The following PASK variants were observed in gnomAD, a reference collection of about 807,000 sequenced individuals.
The protein encoded by PASK is PAS domain-containing serine/threonine-protein kinase.
In PASK, 110 loss-of-function variants were observed where a neutral mutation model predicts 121.0. The observed-to-expected ratio is 0.91, with a 90% confidence interval of 0.78 to 1.06. PASK has a LOEUF of 1.06. PASK is among the 50% of genes least tolerant of loss of function. The pLI is 0.00. For synonymous variants in PASK, 686 were observed against 717.8 expected, an observed-to-expected ratio of 0.96 and a Z score of 0.71; for missense variants, 1,643 against 1,702.3, an observed-to-expected ratio of 0.97 and a Z score of 0.61.
chr2:241,138,660 C>G lies in PASK; in HGVS notation c.735G>C (p.Gln245His). The G allele has an allele frequency of 6.2e-7, 1 of 1,614,046 alleles. No individual in the cohort carries two copies. Among genetic ancestry groups the G allele is most frequent in the Non-Finnish European group, 8.5e-7 (1 of 1,180,050 alleles). The change falls in exon 5 of 18, where the codon CAG becomes CAC. Residue 245 changes from glutamine (Q) to histidine (H), a missense_variant. By Grantham distance (24) the Gln-to-His change is conservative (BLOSUM62 0). Around this residue, in one of 3 missense-constraint regions of PASK, gnomAD observed 1,176 missense variants for 1,162.2 expected, o/e 1.01. Coordinates refer to ENST00000234040, the MANE Select transcript of PASK (RefSeq NM_015148.4). The stretch of plus-strand genomic sequence containing the variant: ...GGCAAAGTTGCACACTCACATCGCT[C>G]TGGAAAGCGACCCAGGTCGAGACCC... ...VERVSTWVAF[Q>H]SDGTVTSCDS...
intron 11 of PASK, 150 bp from the exon 12 acceptor site, chr2:241,123,049 G>C: frequency 1.4e-6 from 1 of 695,304 alleles, no homozygotes; most frequent in Non-Finnish European, 2.4e-6. Context: ...TCTCAGACAG[G>C]TCTGAAAGCC....
At chr2:241,123,786 C>A (rs1665733771) in intron 11 of PASK, among the ~76,000 whole-genome samples, 163 bp downstream of exon 11, 1 of 151,468 alleles carries the variant, frequency 6.6e-6, no homozygotes, top group African/African-American at 2.4e-5. Flanking sequence ...CCATTGCACT[C>A]CAGCCTGGGG....
chr2:241,113,355 T>C (rs2065183439), intron 14 of PASK: 1 of 152,136 alleles, frequency 6.6e-6, no homozygotes, highest in Non-Finnish European at 1.5e-5. Flanking sequence ...TTTATACACA[T>C]ATATACAAAC....
At position 241,106,448 on chromosome 2, in the gene PASK, A is replaced by AT; in HGVS notation, c.*117dup. 1 of 1,002,746 alleles carries AT rather than the reference A, an allele frequency of 1.0e-6. No homozygotes were observed. Among genetic ancestry groups the AT allele is most frequent in the Non-Finnish European group, 1.6e-6 (1 of 629,536 alleles). The allele number at this position is 1,002,746 out of a possible 1,614,324, so 62.1% of individuals were successfully genotyped here. A position where few individuals can be genotyped will look rare whatever the true frequency, so the allele number is the denominator to read the frequency against. On this transcript the variant is annotated 3_prime_UTR_variant, in exon 18 of 18. Transcript: ENST00000234040. ...GTTCTGGTGTTTATCAAACCTGCAC[A>AT]TGAGTTTTTAGAAGGTGAATTGGGG...
intron 12 of PASK, among the ~76,000 whole-genome samples, chr2:241,116,899 G>C (rs1272942506): frequency 6.6e-6 from 1 of 152,132 alleles, no homozygotes; most frequent in East Asian, 1.9e-4. Flanking sequence ...GTGCCAAGAA[G>C]GAAAAAAAGA....
At chr2:241,126,143 C>G in intron 10 of PASK, 53 bp downstream of exon 10, 6 of 1,530,710 alleles carry the variant, frequency 3.9e-6, no homozygotes, top group Non-Finnish European at 5.4e-6. Context: ...TGCACCCCCA[C>G]TGCACTGTGC....
At chr2:241,124,157 G>T (rs368142201) in intron 10 of PASK, 24 bp from the exon 11 acceptor site, 21 of 1,604,972 alleles carry the variant, frequency 1.3e-5, no homozygotes, top group Admixed American at 1.7e-5. Context: ...AGGTAAGAAC[G>T]CACAGGCCTG....
At chr2:241,124,339 G>C (rs566632876) in intron 10 of PASK, among the ~76,000 whole-genome samples, 4 of 152,276 alleles carry the variant, frequency 2.6e-5, no homozygotes, top group African/African-American at 9.6e-5. Flanking sequence ...TGTCAGGGCC[G>C]GCCAGGGAAA....
chr2:241,137,361 C>G (rs1021418788), intron 6 of PASK, 97 bp from the exon 7 acceptor site: 3 of 955,960 alleles, frequency 3.1e-6, no homozygotes, highest in Non-Finnish European at 3.4e-6. Flanking sequence ...CCCACGTCAT[C>G]GGGGAAGGTC....
intron 12 of PASK, among the ~76,000 whole-genome samples, chr2:241,121,241 A>G (rs1401495962): frequency 6.6e-6 from 1 of 152,268 alleles, no homozygotes; most frequent in Non-Finnish European, 1.5e-5. Flanking sequence ...TTCTGAGGTC[A>G]TGAAATGTTC....
rs534037285 is a variant in PASK at position 241,137,016 on chromosome 2, C to T, written c.1125G>A (p.Glu375=). The stretch of plus-strand genomic sequence containing the variant: ...AGGGCAGCCCCACCTTGCCCAGGAG[C>T]TCCGTCTTTCCGTAACCAAACAGTG... The part of the protein sequence containing the change: ...ALTLFGYGKT[E]LLGKNITFLI... Residue 375 remains glutamate (E), a synonymous_variant, in exon 7 of 18, where the codon GAG becomes GAA. Coordinates refer to ENST00000234040, the MANE Select transcript of PASK (RefSeq NM_015148.4). 1 of 1,613,162 alleles carries T rather than the reference C, an allele frequency of 6.2e-7. No individual in the cohort carries two copies. The highest frequency in any genetic ancestry group is 1.3e-5 in the African/African-American group (1 of 75,068).
In PASK at chr2:241,107,548, G is replaced by A. The variant is rs887611042; in HGVS notation, c.3668-49C>T. 4.4e-6 allele frequency: 7 copies of A among 1,585,476 alleles called. No homozygotes were observed. The Admixed American group carries it at 6.7e-5, about 15-fold the overall frequency. ...GGTAGGTCCAGATTGGGATGAAGTG[G>A]AGCACATCTCAGATTCCTGGGTGCT... On this transcript the variant is annotated intron_variant, in intron 16 of 17. Coordinates refer to ENST00000234040, the MANE Select transcript of PASK (RefSeq NM_015148.4).
intron 12 of PASK, among the ~76,000 whole-genome samples, chr2:241,118,235 A>G (rs1187547410): frequency 1.3e-5 from 2 of 152,156 alleles, no homozygotes; most frequent in African/African-American, 4.8e-5. Context: ...AAAAAAACAC[A>G]AAGTTGAAGG....
At chr2:241,149,929 C>T (rs1267264834), upstream of PASK, 2 of 1,429,912 alleles carry the variant, frequency 1.4e-6, no homozygotes, top group African/African-American at 2.9e-5. Context: ...CCGCCTGCTC[C>T]GAGCGTCAAG....
In PASK at chr2:241,126,603, G is replaced by A. The variant is rs1222377111; in HGVS notation, c.2312C>T (p.Ser771Phe). Residue 771 changes from serine (S) to phenylalanine (F), a missense_variant, in exon 10 of 18, where the codon TCT (serine) becomes TTT (phenylalanine). Physicochemically the swap from Ser to Phe is radical, Grantham distance 155. Around this residue, in one of 3 missense-constraint regions of PASK, gnomAD observed 1,176 missense variants for 1,162.2 expected, o/e 1.01. Transcript: ENST00000234040. ...CATSELRETP[S>F]SLAVGSDPDV... ...TGGATCGGAGCCCACTGCCAAGGAA[G>A]AGGGTGTCTCTCTGAGTTCAGACGT... 5.6e-6 allele frequency: 9 copies of A among 1,614,128 alleles called. No homozygotes were observed. The highest frequency in any genetic ancestry group is 5.5e-5 in the South Asian group (5 of 91,088).
intron 9 of PASK, chr2:241,127,730 G>A (rs1264777463): frequency 4.6e-6 from 2 of 436,834 alleles, no homozygotes; most frequent in East Asian, 5.1e-5. Context: ...CAGCGCTCTC[G>A]CTTCATCTCA....
In PASK at chr2:241,106,534, C is replaced by T; in HGVS notation, c.*32G>A. On this transcript the variant is annotated 3_prime_UTR_variant, in exon 18 of 18. Coordinates refer to ENST00000234040, the MANE Select transcript of PASK (RefSeq NM_015148.4). ...CCTGAAAACTGTGTGATTTTCCAAA[C>T]CAAGTGGAGAAAAGCAGGAAGAAAT... The T allele has an allele frequency of 6.2e-7, 1 of 1,611,790 alleles. No individual in the cohort carries two copies. Among genetic ancestry groups the T allele is most frequent in the Non-Finnish European group, 8.5e-7 (1 of 1,177,858 alleles).
In PASK at chr2:241,126,424, C is replaced by A. The variant is rs1368663928; in HGVS notation, c.2491G>T (p.Val831Leu). The A allele has an allele frequency of 1.9e-6, 3 of 1,614,132 alleles. No individual in the cohort carries two copies. In the African/African-American group the frequency reaches 4.0e-5, roughly 22 times the overall value. Residue 831 changes from valine to leucine, a missense_variant, in exon 10 of 18, where the codon GTG becomes TTG. This residue lies in a region of PASK where 1,176 missense variants were observed against 1,162.2 expected (regional missense o/e 1.01). Coordinates refer to ENST00000234040, the MANE Select transcript of PASK (RefSeq NM_015148.4). Reference protein sequence around the residue: ...DPTEPLEVCLVSSEHYAASDR... With the variant: ...DPTEPLEVCLLSSEHYAASDR... ...CTTGCTGCATAATGCTCAGAGGACACCAAACAAACCTCAAGCGGTTCTGTT... is the reference window on the plus strand; with the variant it reads ...CTTGCTGCATAATGCTCAGAGGACAACAAACAAACCTCAAGCGGTTCTGTT...
chr2:241,132,985 C>CG lies in PASK; in HGVS notation c.1351dup (p.Arg451ProfsTer3). 6.2e-7 allele frequency: 1 copy of CG among 1,614,062 alleles called. No homozygotes were observed. Among genetic ancestry groups the CG allele is most frequent in the African/African-American group, 1.3e-5 (1 of 75,008 alleles). On this transcript the variant is annotated frameshift_variant, in exon 9 of 18. Transcript: ENST00000234040. LOFTEE classifies it high-confidence loss of function. ...TTCCATCAGCTTCCGGATCTCATCT[C>CG]GGGGCACAACGTGGCCACCAGCAAG...
Sources: gnomAD v4.1 joint callset for allele counts (sites outside exome capture counted in the v4.1 genomes callset) on GRCh38, gnomAD v4.1.1 for gene constraint, gnomAD v4.1.1 regional missense constraint, MANE v1.5 for transcripts, NCBI Gene and HGNC (gene_info 2026-07-23, HGNC 2026-07-21) for gene names.